KCNH5: variants seen among roughly 807,000 people sequenced by gnomAD.
KCNH5 encodes potassium voltage-gated channel subfamily H member 5.
Under a neutral mutation model 96.1 loss-of-function variants are expected in KCNH5, and 46 were observed. That is an observed-to-expected ratio of 0.48 (90% CI 0.38 to 0.61). KCNH5 has a LOEUF of 0.61. KCNH5 is among the 20% of genes least tolerant of loss of function. The probability of loss-of-function intolerance (pLI) is 0.00; values close to 1 mark genes in which losing one functional copy is unlikely to be tolerated. For synonymous variants in KCNH5, 439 were observed against 449.8 expected (o/e 0.98, Z 0.30); for missense variants, 907 against 1,225.8 (o/e 0.74, Z 3.88).
rs61033705 is a variant in KCNH5, at chr14:62,910,941, A to ACACCCC, written c.1369+39191_1369+39192insGGGGTG. The stretch of plus-strand genomic sequence containing the variant: ...CACACACACACACACACACACACAC[A>ACACCCC]CCCCTCTGTTGTTCTGTCATCCTAT... On this transcript the variant is annotated intron_variant, in intron 7 of 10. Transcript: ENST00000322893. 9.0e-4 allele frequency among the ~76,000 whole-genome samples: 127 copies of ACACCCC among 140,884 alleles called. 1 individual carries two copies. Among genetic ancestry groups the ACACCCC allele is most frequent in the South Asian group, 6.4e-3 (27 of 4,240 alleles). The allele number at this position is 140,884 out of a possible 152,430, so 92.4% of individuals were successfully genotyped here.
chr14:62,802,704 G>T (rs1401740282), intron 8 of KCNH5, 123 bp from the exon 9 acceptor site: 9 of 1,213,950 alleles, frequency 7.4e-6, no homozygotes, highest in Non-Finnish European at 1.0e-5. Flanking sequence ...ACACCTTGCT[G>T]GGTACTGGGA....
intron 7 of KCNH5, among the ~76,000 whole-genome samples, chr14:62,907,766 T>C (rs902359927): frequency 4.6e-5 from 7 of 152,210 alleles, no homozygotes; most frequent in Non-Finnish European, 7.3e-5. Context: ...CTCAAGCTCA[T>C]GTGGCCTGGC....
intron 10 of KCNH5, among the ~76,000 whole-genome samples, chr14:62,713,207 T>G (rs1884609506): frequency 6.6e-6 from 1 of 152,232 alleles, no homozygotes; most frequent in South Asian, 2.1e-4. Context: ...TGGAAAATGT[T>G]ACAAATAAGC....
chr14:62,992,385 G>A (rs1346845647), intron 4 of KCNH5, among the ~76,000 whole-genome samples: 1 of 151,922 alleles, frequency 6.6e-6, no homozygotes, highest in Non-Finnish European at 1.5e-5. Flanking sequence ...ATTTTTAGTT[G>A]TTTGAGAAAT....
chr14:62,934,620 C>T (rs1002051281), intron 7 of KCNH5, among the ~76,000 whole-genome samples: 5 of 152,158 alleles, frequency 3.3e-5, no homozygotes, highest in Non-Finnish European at 7.3e-5. Flanking sequence ...TTTTGCTATC[C>T]TCTCACTGAA....
At chr14:62,710,393 T>C (rs1381472181) in intron 10 of KCNH5, among the ~76,000 whole-genome samples, 1 of 152,218 alleles carries the variant, frequency 6.6e-6, no homozygotes, top group African/African-American at 2.4e-5. Flanking sequence ...GCAGTTTAAT[T>C]AGAAGTCTTT....
intron 10 of KCNH5, among the ~76,000 whole-genome samples, chr14:62,727,224 A>G (rs1258499231): frequency 6.6e-6 from 1 of 152,070 alleles, no homozygotes; most frequent in East Asian, 1.9e-4. Flanking sequence ...AATTAGCTGG[A>G]CATGGTGGCA....
chr14:62,749,327 G>A (rs1047173473), intron 10 of KCNH5, among the ~76,000 whole-genome samples: 2 of 152,204 alleles, frequency 1.3e-5, no homozygotes, highest in Admixed American at 6.5e-5. Context: ...CCATTGGCCT[G>A]TGGGACTTCA....
At chr14:63,021,236 T>C (rs1891420482) in intron 1 of KCNH5, among the ~76,000 whole-genome samples, 1 of 152,040 alleles carries the variant, frequency 6.6e-6, no homozygotes, top group African/African-American at 2.4e-5. Flanking sequence ...CCTTCCTGTA[T>C]CCTATCATTC....
intron 7 of KCNH5, among the ~76,000 whole-genome samples, chr14:62,884,208 C>T (rs759148692): frequency 2.0e-5 from 3 of 152,138 alleles, no homozygotes; most frequent in African/African-American, 4.8e-5. Flanking sequence ...ATCTATAATA[C>T]GGCACTAACA....
chr14:62,961,895 G>C (rs1594647485), intron 6 of KCNH5, among the ~76,000 whole-genome samples: 1 of 150,696 alleles, frequency 6.6e-6, no homozygotes, highest in African/African-American at 2.5e-5. Flanking sequence ...GATGGAGATG[G>C]AGATGATGCA....
At chr14:62,756,080 A>G (rs1035912932) in intron 10 of KCNH5, among the ~76,000 whole-genome samples, 1 of 152,172 alleles carries the variant, frequency 6.6e-6, no homozygotes, top group African/African-American at 2.4e-5. Context: ...AAAAACTATT[A>G]GAACTGAAAA....
chr14:62,729,546 T>C (rs1344356402), intron 10 of KCNH5, among the ~76,000 whole-genome samples: 1 of 152,202 alleles, frequency 6.6e-6, no homozygotes, highest in Non-Finnish European at 1.5e-5. Flanking sequence ...CTGGAGATCC[T>C]GGACTTTGAA....
chr14:62,793,022 T>G (rs144133225), intron 9 of KCNH5, among the ~76,000 whole-genome samples: 4 of 151,894 alleles, frequency 2.6e-5, no homozygotes, highest in African/African-American at 9.6e-5. Context: ...GAGAGCACTA[T>G]GCCAAACAAA....
chr14:63,038,990 C>T (rs1452888274), intron 1 of KCNH5, among the ~76,000 whole-genome samples: 1 of 150,356 alleles, frequency 6.7e-6, no homozygotes, highest in Non-Finnish European at 1.5e-5. Flanking sequence ...TAGAACACTA[C>T]TTTCTTTGAC....
intron 10 of KCNH5, among the ~76,000 whole-genome samples, chr14:62,774,860 C>T (rs984780503): frequency 1.3e-5 from 2 of 152,128 alleles, no homozygotes; most frequent in Non-Finnish European, 2.9e-5. Context: ...TAGCTTCTGA[C>T]TCTCACACAT....
intron 7 of KCNH5, among the ~76,000 whole-genome samples, chr14:62,930,899 TC>T (rs1202426839): frequency 6.6e-6 from 1 of 152,146 alleles, no homozygotes; most frequent in East Asian, 1.9e-4. Flanking sequence ...TTTCATGCCT[TC>T]CTTTAACTCT....
At chr14:62,717,411 G>C (rs1457887683) in intron 10 of KCNH5, among the ~76,000 whole-genome samples, 3 of 152,116 alleles carry the variant, frequency 2.0e-5, no homozygotes, top group African/African-American at 7.2e-5. Context: ...AGTAATTAAA[G>C]GATTTGGTAC....
intron 8 of KCNH5, among the ~76,000 whole-genome samples, chr14:62,847,069 G>T (rs1298480637): frequency 6.8e-6 from 1 of 147,830 alleles, no homozygotes; most frequent in Admixed American, 6.8e-5. Context: ...CAAAGTGCTG[G>T]GATTACAGGC....
Sources: allele counts gnomAD v4.1 joint callset (sites outside exome capture counted in the v4.1 genomes callset), GRCh38; gene constraint gnomAD v4.1.1; transcripts MANE v1.5; gene names NCBI Gene and HGNC (gene_info 2026-07-23, HGNC 2026-07-21).